Variants in KLF3 observed in about 807,000 individuals in gnomAD.
KLF3 encodes the protein KLF transcription factor 3.
KLF3 carries 6 observed loss-of-function variants against 32.7 expected under a neutral mutation model. That is an observed-to-expected ratio of 0.18 (90% CI 0.10 to 0.36). KLF3 has a LOEUF of 0.36. Ranked by LOEUF, KLF3 falls within the 10% of genes least tolerant of loss-of-function variation. The pLI is 1.00. For synonymous variants in KLF3, 145 were observed against 172.8 expected (o/e 0.84, Z 1.26); for missense variants, 338 against 449.7 (o/e 0.75, Z 2.25).
intron 1 of KLF3, among the ~76,000 whole-genome samples, chr4:38,679,118 A>G (rs1298843075): frequency 2.6e-5 from 4 of 152,248 alleles, no homozygotes; most frequent in Non-Finnish European, 5.9e-5. Flanking sequence ...GACAGGATCA[A>G]GGTGGACATT....
Position 38,689,891 on chromosome 4 carries a change from T to G in KLF3, c.695+12T>G. 1 of 1,460,774 alleles carries G rather than the reference T, an allele frequency of 6.8e-7. No individual in the cohort carries two copies. Among genetic ancestry groups the G allele is most frequent in the Non-Finnish European group, 9.2e-7 (1 of 1,088,966 alleles). The allele number at this position is 1,460,774 out of a possible 1,614,324, so 90.5% of individuals were successfully genotyped here. ...GCATTGTTGCAAGAGTAAGTATATT[T>G]AGGTCTACCCAGCATTTGCATAGTA... On this transcript the variant is annotated intron_variant, in intron 4 of 5. Transcript: ENST00000261438.
intron 1 of KLF3, among the ~76,000 whole-genome samples, chr4:38,679,156 GA>G (rs1722443494): frequency 6.6e-6 from 1 of 152,188 alleles, no homozygotes; most frequent in Non-Finnish European, 1.5e-5. Flanking sequence ...ATTTCCTAAT[GA>G]GGAGAAATCT....
Position 38,689,720 on chromosome 4 carries a change from A to AT in KLF3, c.545-3dup. The AT allele has an allele frequency of 1.3e-6, 2 of 1,566,842 alleles. No individual in the cohort carries two copies. Among genetic ancestry groups the AT allele is most frequent in the Non-Finnish European group, 1.7e-6 (2 of 1,159,516 alleles). ...TACGTGAAGTGACTTTTCTATTTTTATTTTTTAGTACCTGTAATTGAATCA... is the reference window on the plus strand; with the variant it reads ...TACGTGAAGTGACTTTTCTATTTTTATTTTTTTAGTACCTGTAATTGAATCA... On this transcript the variant is annotated splice_polypyrimidine_tract_variant and intron_variant, in intron 3 of 5. Transcript: ENST00000261438.
intron 4 of KLF3, among the ~76,000 whole-genome samples, chr4:38,692,539 A>G (rs974184596): frequency 6.6e-5 from 10 of 152,224 alleles, no homozygotes; most frequent in Admixed American, 2.0e-4. Context: ...TTGTTCCGAG[A>G]TATAACCTTC....
Position 38,688,784 on chromosome 4 carries a change from C to T in KLF3, c.257C>T (p.Ser86Phe). 6.2e-7 allele frequency: 1 copy of T among 1,614,238 alleles called. No individual in the cohort carries two copies. The highest frequency in any genetic ancestry group is 8.5e-7 in the Non-Finnish European group (1 of 1,180,048). ...GNSPSSLKFPSSHRRASPGLS... is the reference protein window; with the variant it reads ...GNSPSSLKFPFSHRRASPGLS... ...TCGCCCTCCTCTCTGAAGTTCCCGT[C>T]CTCACACCGGAGAGCCTCGCCTGGG... The change falls in exon 3 of 6, where the codon TCC becomes TTC. Residue 86 changes from serine (S) to phenylalanine (F), a missense_variant. Physicochemically the swap from Ser to Phe is radical, Grantham distance 155. This residue lies in a region of KLF3 where 272 missense variants were observed against 313.4 expected (regional missense o/e 0.87). Transcript: ENST00000261438. This position sits in a 1 kb window ranked among gnomAD's most constrained non-coding sequence, Gnocchi z 4.9.
intron 4 of KLF3, among the ~76,000 whole-genome samples, chr4:38,694,541 G>A (rs1722993301): frequency 6.6e-6 from 1 of 152,218 alleles, no homozygotes; most frequent in African/African-American, 2.4e-5. Context: ...CAAGCACAGT[G>A]CCTGGCTCAT....
intron 1 of KLF3, among the ~76,000 whole-genome samples, chr4:38,668,281 G>T (rs1722099823): frequency 6.6e-6 from 1 of 151,240 alleles, no homozygotes; most frequent in Non-Finnish European, 1.5e-5. Context: ...GGAAATATTT[G>T]CTTGAAAAAG....
At position 38,699,390 on chromosome 4, in the gene KLF3, G is replaced by A. The variant is rs774096182; in HGVS notation, c.*2127G>A. ...TGCTTAGTCATATTCATGGCAAAGT[G>A]TTCATTTCTTGAGATGGTTCTTTCA... On this transcript the variant is annotated 3_prime_UTR_variant, in exon 6 of 6. Coordinates refer to ENST00000261438, the MANE Select transcript of KLF3 (RefSeq NM_016531.6). 5.9e-5 allele frequency: 9 copies of A among 152,138 alleles called. No individual in the cohort carries two copies. Among genetic ancestry groups the A allele is most frequent in the African/African-American group, 2.2e-4 (9 of 41,422 alleles). The allele number at this position is 152,138 out of a possible 1,614,324, so 9.4% of individuals were successfully genotyped here. A position where few individuals can be genotyped will look rare whatever the true frequency, so the allele number is the denominator to read the frequency against.
At chr4:38,664,783 C>G (rs1464850362) in intron 1 of KLF3, 2 of 151,958 alleles carry the variant, frequency 1.3e-5, no homozygotes, top group African/African-American at 4.8e-5. Context: ...AGGGCGCGGG[C>G]GGGGGCTCAC....
rs1221337904 is a variant in KLF3 at position 38,664,440 on chromosome 4, G to C, written c.-61G>C. On this transcript the variant is annotated 5_prime_UTR_variant, in exon 1 of 6. Coordinates refer to ENST00000261438, the MANE Select transcript of KLF3 (RefSeq NM_016531.6). ...GGGGCCTTTATTTCTCGTCGGCGGC[G>C]CCCTGCACCGCGCCTCGCAAAGTAA... is the stretch of plus-strand genomic sequence containing the variant. The C allele has an allele frequency of 6.6e-6, 1 of 152,132 alleles. No individual in the cohort carries two copies. The highest frequency in any genetic ancestry group is 2.4e-5 in the African/African-American group (1 of 41,432). 9.4% of individuals were successfully genotyped at this position (152,132 alleles called of 1,614,324 possible).
At chr4:38,697,058 G>C (rs747344212) in intron 5 of KLF3, 24 bp from the exon 6 acceptor site, 2 of 1,547,550 alleles carry the variant, frequency 1.3e-6, no homozygotes, top group Non-Finnish European at 8.7e-7. Flanking sequence ...AAAAAAAATA[G>C]CTCTTTTCTT....
intron 1 of KLF3, among the ~76,000 whole-genome samples, chr4:38,668,099 A>C (rs1359610650): frequency 6.6e-6 from 1 of 152,200 alleles, no homozygotes; most frequent in Non-Finnish European, 1.5e-5. Context: ...GGAAAATTTT[A>C]ATCTTCTATT....
At chr4:38,693,708 A>G (rs947010908) in intron 4 of KLF3, among the ~76,000 whole-genome samples, 4 of 152,212 alleles carry the variant, frequency 2.6e-5, no homozygotes, top group East Asian at 1.9e-4. Flanking sequence ...TTAGAGGCCA[A>G]TGACATACAC....
chr4:38,682,077 G>A (rs1422401070), intron 2 of KLF3, among the ~76,000 whole-genome samples: 1 of 152,252 alleles, frequency 6.6e-6, no homozygotes, highest in African/African-American at 2.4e-5. Flanking sequence ...ATTACTTTTT[G>A]AGATGGAGTC....
intron 1 of KLF3, among the ~76,000 whole-genome samples, chr4:38,670,260 G>C (rs1291306667): frequency 6.6e-6 from 1 of 152,224 alleles, no homozygotes; most frequent in Admixed American, 6.5e-5. Flanking sequence ...CCCTGAGGCA[G>C]ACCCTTTGCA....
intron 1 of KLF3, among the ~76,000 whole-genome samples, chr4:38,677,275 A>G (rs1321019121): frequency 6.6e-6 from 1 of 152,184 alleles, no homozygotes; most frequent in East Asian, 1.9e-4. Flanking sequence ...CCAGCGTTTT[A>G]TACTAGACTA....
chr4:38,689,956 A>C, intron 4 of KLF3, 77 bp downstream of exon 4: 6 of 1,429,588 alleles, frequency 4.2e-6, no homozygotes, highest in Non-Finnish European at 5.7e-6. Flanking sequence ...ACAAGATTTC[A>C]CACGTGTGAT....
intron 2 of KLF3, among the ~76,000 whole-genome samples, chr4:38,681,940 A>G (rs1722538876): frequency 6.6e-6 from 1 of 152,278 alleles, no homozygotes; most frequent in Non-Finnish European, 1.5e-5. Context: ...ACCAGTATCT[A>G]TAATGCAAGT....
chr4:38,668,416 C>T lies in KLF3; in HGVS notation c.-40+3955C>T, dbSNP rs547339336. 1.4e-4 allele frequency among the ~76,000 whole-genome samples: 21 copies of T among 152,002 alleles called. 1 individual carries two copies. In the South Asian group the frequency reaches 3.5e-3, roughly 26 times the overall value. ...TTGCTGAAGCAGCAAATCAGGCTCT[C>T]TTCTCCCCAAAATTGATGATAATGG... On this transcript the variant is annotated intron_variant, in intron 1 of 5. Transcript: ENST00000261438.
Sources: gnomAD v4.1 joint callset for allele counts (sites outside exome capture counted in the v4.1 genomes callset) on GRCh38, gnomAD v4.1.1 for gene constraint, gnomAD v4.1.1 regional missense constraint, Gnocchi (gnomAD v3.1) non-coding constraint, MANE v1.5 for transcripts, NCBI Gene and HGNC (gene_info 2026-07-23, HGNC 2026-07-21) for gene names.